Variants in DNLZ observed in about 807,000 individuals in gnomAD.
The protein encoded by DNLZ is DNL-type zinc finger protein.
A neutral mutation model predicts 7.8 loss-of-function variants in DNLZ; 15 were observed. The ratio of observed to expected loss-of-function variants is 1.91; its 90% CI spans 1.28 to 2.95. The LOEUF (loss-of-function observed/expected upper bound fraction) is 2.95, where lower values mean the gene tolerates loss of function less well. DNLZ is among the 30% of genes most tolerant of loss of function. The pLI is 0.00. For missense variants in DNLZ, 255 were observed against 167.3 expected, an observed-to-expected ratio of 1.52 and a Z score of -2.89; for synonymous variants, 123 against 77.8, an observed-to-expected ratio of 1.58 and a Z score of -3.05.
At chr9:136,363,376 C>T in intron 1 of DNLZ, 111 bp downstream of exon 1, 1 of 740,746 alleles carries the variant, frequency 1.3e-6, no homozygotes, top group Non-Finnish European at 2.5e-6. Context: ...TCCACTCCTT[C>T]CTGTGACTTG....
At position 136,360,362 on chromosome 9, in the gene DNLZ, A is replaced by G. The variant is rs1001389471; in HGVS notation, c.*1650T>C. 1 of 152,290 alleles carries G rather than the reference A, an allele frequency of 6.6e-6. No individual in the cohort carries two copies. The highest frequency in any genetic ancestry group is 1.5e-5 in the Non-Finnish European group (1 of 68,122). 9.4% of individuals were successfully genotyped at this position (152,290 alleles called of 1,614,324 possible). A position where few individuals can be genotyped will look rare whatever the true frequency, so the allele number is the denominator to read the frequency against. ...GAAGCGCAGCAGTGCCGCCCACGCT[A>G]CTGGCTGGGACAGCCTCTGAAGGTG... On this transcript the variant is annotated 3_prime_UTR_variant, in exon 3 of 3. Coordinates refer to ENST00000371738, the MANE Select transcript of DNLZ (RefSeq NM_001080849.3).
chr9:136,362,907 C>T, intron 2 of DNLZ, 82 bp downstream of exon 2: 2 of 1,371,078 alleles, frequency 1.5e-6, no homozygotes, highest in Non-Finnish European at 1.0e-6. Flanking sequence ...CTATAAACCT[C>T]AACACTAGGG....
rs1833025895 is a variant in DNLZ, at chr9:136,363,546, G to A, written c.169C>T (p.Pro57Ser). The A allele has an allele frequency of 2.8e-6, 2 of 723,160 alleles. No individual in the cohort carries two copies. The highest frequency in any genetic ancestry group is 5.0e-6 in the Non-Finnish European group (2 of 398,856). The allele number at this position is 723,160 out of a possible 1,614,324, so 44.8% of individuals were successfully genotyped here. ...TCCACGCGCCCCAGAGCCGCCGCGGGCCCCGGCCCCTGCTCGGAGCTTGAG... is the reference window on the plus strand; with the variant it reads ...TCCACGCGCCCCAGAGCCGCCGCGGACCCCGGCCCCTGCTCGGAGCTTGAG... ...RRSSSEQGPGPAAALGRVEAA... is the reference protein window; with the variant it reads ...RRSSSEQGPGSAAALGRVEAA... The change falls in exon 1 of 3, where the codon CCC becomes TCC. Residue 57 changes from proline (P) to serine (S), a missense_variant. Transcript: ENST00000371738.
In DNLZ at chr9:136,363,308, G is replaced by A. The variant is rs1457887093; in HGVS notation, c.228+179C>T. On this transcript the variant is annotated intron_variant, in intron 1 of 2. Transcript: ENST00000371738. Reference sequence around the variant, plus strand: ...CCCGGGAAGGCCCCGCCCCAGGGACGGCTCCACCCCTCCTCATGGTCCGCC... The same window carrying A: ...CCCGGGAAGGCCCCGCCCCAGGGACAGCTCCACCCCTCCTCATGGTCCGCC... 7 of 663,580 alleles carry A rather than the reference G, an allele frequency of 1.1e-5. No homozygotes were observed. The East Asian group carries it at 1.7e-4, about 16-fold the overall frequency. The allele number at this position is 663,580 out of a possible 1,614,324, so 41.1% of individuals were successfully genotyped here.
rs1415504303 is a variant in DNLZ, at chr9:136,360,051, T to C, written c.*1961A>G. 1 of 152,250 alleles carries C rather than the reference T, an allele frequency of 6.6e-6. No homozygotes were observed. Among genetic ancestry groups the C allele is most frequent in the African/African-American group, 2.4e-5 (1 of 41,444 alleles). The allele number at this position is 152,250 out of a possible 1,614,324, so 9.4% of individuals were successfully genotyped here. On this transcript the variant is annotated 3_prime_UTR_variant, in exon 3 of 3. Coordinates refer to ENST00000371738, the MANE Select transcript of DNLZ (RefSeq NM_001080849.3). Reference sequence around the variant, plus strand: ...ACGGCAGATCTGCAGTCTTGGGGCTTGTCTGGGCGCTGCTTGTGGTGGGTG... The same window carrying C: ...ACGGCAGATCTGCAGTCTTGGGGCTCGTCTGGGCGCTGCTTGTGGTGGGTG...
intron 2 of DNLZ, among the ~76,000 whole-genome samples, chr9:136,362,776 A>T (rs1833003919): frequency 8.4e-6 from 1 of 118,524 alleles, no homozygotes; most frequent in Admixed American, 8.1e-5. Flanking sequence ...AATTTAACAA[A>T]TAAAAACGCA....
In DNLZ at chr9:136,363,733, C is replaced by CAG; in HGVS notation, c.-20_-19insCT. 2.1e-6 allele frequency: 1 copy of CAG among 482,392 alleles called. No individual in the cohort carries two copies. The highest frequency in any genetic ancestry group is 3.6e-6 in the Non-Finnish European group (1 of 275,928). 29.9% of individuals were successfully genotyped at this position (482,392 alleles called of 1,614,324 possible). On this transcript the variant is annotated 5_prime_UTR_variant, in exon 1 of 3. Coordinates refer to ENST00000371738, the MANE Select transcript of DNLZ (RefSeq NM_001080849.3). ...GCAGCATCCCGCTCGCCGGCTCCGT[C>CAG]CGCCCTGCCCCGGCCCCGCCCCGCC...
Position 136,362,986 on chromosome 9 carries a change from C to A in DNLZ, c.368+3G>T. On this transcript the variant is annotated splice_donor_region_variant and intron_variant, in intron 2 of 2. Coordinates refer to ENST00000371738, the MANE Select transcript of DNLZ (RefSeq NM_001080849.3). Reference sequence around the variant, plus strand: ...TGGCCCAGCCCTGGGGTACAGGCCTCACCTCTTCCCATTCAGGTCCGAGAA... The same window carrying A: ...TGGCCCAGCCCTGGGGTACAGGCCTAACCTCTTCCCATTCAGGTCCGAGAA... 1 of 1,613,600 alleles carries A rather than the reference C, an allele frequency of 6.2e-7. No individual in the cohort carries two copies. The highest frequency in any genetic ancestry group is 8.5e-7 in the Non-Finnish European group (1 of 1,179,916).
intron 1 of DNLZ, 107 bp from the exon 2 acceptor site, chr9:136,363,235 G>C (rs1166460043): frequency 7.3e-7 from 1 of 1,377,522 alleles, no homozygotes; most frequent in Non-Finnish European, 1.0e-6. Flanking sequence ...CTCCAGAGAA[G>C]GCCCCGCCCC....
chr9:136,363,484 T>C lies in DNLZ; in HGVS notation c.228+3A>G, dbSNP rs1833023965. On this transcript the variant is annotated splice_donor_region_variant and intron_variant, in intron 1 of 2. Transcript: ENST00000371738. Reference sequence around the variant, plus strand: ...CCCCGGTTCCGTCCCGCCGCGCGCCTACCTTGCAGGTGTAGACGAGCTGGT... The same window carrying C: ...CCCCGGTTCCGTCCCGCCGCGCGCCCACCTTGCAGGTGTAGACGAGCTGGT... 2 of 759,400 alleles carry C rather than the reference T, an allele frequency of 2.6e-6. No homozygotes were observed. The highest frequency in any genetic ancestry group is 1.7e-5 in the Admixed American group (1 of 58,766). The allele number at this position is 759,400 out of a possible 1,614,324, so 47.0% of individuals were successfully genotyped here. A position where few individuals can be genotyped will look rare whatever the true frequency, so the allele number is the denominator to read the frequency against.
At position 136,363,724 on chromosome 9, in the gene DNLZ, C is replaced by T. The variant is rs560263821; in HGVS notation, c.-10G>A. On this transcript the variant is annotated 5_prime_UTR_variant, in exon 1 of 3. Coordinates refer to ENST00000371738, the MANE Select transcript of DNLZ (RefSeq NM_001080849.3). ...GCGCAGTCCGCAGCATCCCGCTCGCCGGCTCCGTCCGCCCTGCCCCGGCCC... is the reference window on the plus strand; with the variant it reads ...GCGCAGTCCGCAGCATCCCGCTCGCTGGCTCCGTCCGCCCTGCCCCGGCCC... 4.5e-4 allele frequency: 187 copies of T among 412,210 alleles called. No homozygotes were observed. The highest frequency in any genetic ancestry group is 7.2e-4 in the Non-Finnish European group (170 of 235,562). The allele number at this position is 412,210 out of a possible 1,614,324, so 25.5% of individuals were successfully genotyped here. A position where few individuals can be genotyped will look rare whatever the true frequency, so the allele number is the denominator to read the frequency against.
chr9:136,360,991 G>A lies in DNLZ; in HGVS notation c.*1021C>T, dbSNP rs921427572. The A allele has an allele frequency of 6.6e-6, 1 of 152,232 alleles. No homozygotes were observed. The highest frequency in any genetic ancestry group is 1.5e-5 in the Non-Finnish European group (1 of 68,070). The allele number at this position is 152,232 out of a possible 1,614,324, so 9.4% of individuals were successfully genotyped here. On this transcript the variant is annotated 3_prime_UTR_variant, in exon 3 of 3. Coordinates refer to ENST00000371738, the MANE Select transcript of DNLZ (RefSeq NM_001080849.3). ...GGTGCCGGTGGCTCAGCCGAGAAGA[G>A]GACAGTTTCCACAAATGGCACAGAA...
At chr9:136,363,373 C>A (rs886509372) in intron 1 of DNLZ, 114 bp downstream of exon 1, 3 of 737,894 alleles carry the variant, frequency 4.1e-6, no homozygotes, top group Non-Finnish European at 7.4e-6. Context: ...GGCTCCACTC[C>A]TTCCTGTGAC....
rs200259060 is a variant in DNLZ at position 136,362,175 on chromosome 9, A to G, written c.374T>C (p.Ile125Thr). The change falls in exon 3 of 3, where the codon ATC becomes ACC. Residue 125 changes from isoleucine to threonine, a missense_variant. By Grantham distance (89) the Ile-to-Thr change is moderately conservative (BLOSUM62 -1). Transcript: ENST00000371738. ...WFSDLNGKRN[I>T]EEILTARGEQ... ...GCCTCTGGCCGTCAGGATCTCTTCG[A>G]TATTTCTGGGGGGCAGGGAGGCAAC... The G allele has an allele frequency of 9.7e-5, 144 of 1,488,064 alleles. No homozygotes were observed. The African/African-American group carries it at 1.6e-3, about 17-fold the overall frequency. The allele number at this position is 1,488,064 out of a possible 1,614,324, so 92.2% of individuals were successfully genotyped here.
chr9:136,362,330 G>A, intron 2 of DNLZ, 150 bp from the exon 3 acceptor site: 1 of 653,100 alleles, frequency 1.5e-6, no homozygotes, highest in Non-Finnish European at 2.2e-6. Flanking sequence ...TTCAGACGCT[G>A]GCCTGTGTGC....
rs1832953663 is a variant in DNLZ at position 136,360,005 on chromosome 9, T to G, written c.*2007A>C. 1.3e-5 allele frequency: 2 copies of G among 152,144 alleles called. No homozygotes were observed. The highest frequency in any genetic ancestry group is 2.9e-5 in the Non-Finnish European group (2 of 68,028). 9.4% of individuals were successfully genotyped at this position (152,144 alleles called of 1,614,324 possible). Reference sequence around the variant, plus strand: ...CCGGCTGGGCTCAGGGTCTGGACACTGAGCCACAGTGGAGGAGCCGACGGC... The same window carrying G: ...CCGGCTGGGCTCAGGGTCTGGACACGGAGCCACAGTGGAGGAGCCGACGGC... On this transcript the variant is annotated 3_prime_UTR_variant, in exon 3 of 3. Coordinates refer to ENST00000371738, the MANE Select transcript of DNLZ (RefSeq NM_001080849.3).
Position 136,363,121 on chromosome 9 carries a change from CCG to C in DNLZ, c.234_235del (p.Cys78TrpfsTer3), listed in dbSNP as rs1833013751. 1 of 1,613,320 alleles carries C rather than the reference CCG, an allele frequency of 6.2e-7. No homozygotes were observed. Among genetic ancestry groups the C allele is most frequent in the Non-Finnish European group, 8.5e-7 (1 of 1,179,954 alleles). ...GGAGATGCGCTTGGAGGACCTAGTC[CCG>C]CAGACCTGGCTGGGACAGGGTAGCT... On this transcript the variant is annotated frameshift_variant, in exon 2 of 3. Coordinates refer to ENST00000371738, the MANE Select transcript of DNLZ (RefSeq NM_001080849.3). LOFTEE classifies it high-confidence loss of function.
Position 136,362,973 on chromosome 9 carries a change from G to T in DNLZ, c.368+16C>A. ...CTGGGTGGCCTTCTGGCCCAGCCCT[G>T]GGGTACAGGCCTCACCTCTTCCCAT... is the stretch of plus-strand genomic sequence containing the variant. On this transcript the variant is annotated intron_variant, in intron 2 of 2. Coordinates refer to ENST00000371738, the MANE Select transcript of DNLZ (RefSeq NM_001080849.3). The T allele has an allele frequency of 6.2e-7, 1 of 1,613,074 alleles. No individual in the cohort carries two copies. The highest frequency in any genetic ancestry group is 8.5e-7 in the Non-Finnish European group (1 of 1,179,558).
chr9:136,363,444 C>G (rs1243487400), intron 1 of DNLZ, 43 bp downstream of exon 1: 1 of 762,186 alleles, frequency 1.3e-6, no homozygotes, highest in Non-Finnish European at 2.4e-6. Flanking sequence ...CGTGTAGCGT[C>G]AGATACGGGT....
Sources: gnomAD v4.1 joint callset for allele counts (sites outside exome capture counted in the v4.1 genomes callset) on GRCh38, gnomAD v4.1.1 for gene constraint, MANE v1.5 for transcripts, NCBI Gene and HGNC (gene_info 2026-07-23, HGNC 2026-07-21) for gene names.